The following PLA2G4C variants were observed in gnomAD, a reference collection of about 807,000 sequenced individuals.
PLA2G4C encodes cytosolic phospholipase A2 gamma.
A neutral mutation model predicts 73.8 loss-of-function variants in PLA2G4C; 64 were observed. The ratio of observed to expected loss-of-function variants is 0.87; its 90% CI spans 0.71 to 1.07. PLA2G4C has a LOEUF of 1.07. Among genes scored for constraint, PLA2G4C ranks in the 50% least tolerant of loss-of-function variants. The pLI is 0.00. For missense variants in PLA2G4C, 622 were observed against 665.4 expected (o/e 0.93, Z 0.72); for synonymous variants, 254 against 252.1 (o/e 1.01, Z -0.07).
intron 13 of PLA2G4C, among the ~76,000 whole-genome samples, chr19:48,063,208 T>C (rs1968261613): frequency 6.6e-6 from 1 of 152,110 alleles, no homozygotes; most frequent in African/African-American, 2.4e-5. Context: ...CATGCTGAGC[T>C]AATTTTTGTA....
intron 9 of PLA2G4C, 62 bp downstream of exon 9, chr19:48,088,624 G>C (rs944592695): frequency 2.2e-5 from 25 of 1,145,542 alleles, no homozygotes; most frequent in Non-Finnish European, 3.3e-5. Flanking sequence ...ACAATGGCTG[G>C]CCTCAAGCAA....
intron 11 of PLA2G4C, among the ~76,000 whole-genome samples, chr19:48,075,970 C>T (rs6650757): frequency 0.02 from 3,111 of 152,292 alleles, 103 homozygotes; most frequent in African/African-American, 0.07. Context: ...CATTAAAGCC[C>T]GCCATGTGGC....
chr19:48,057,349 T>C (rs922643684), intron 14 of PLA2G4C, among the ~76,000 whole-genome samples: 4 of 151,984 alleles, frequency 2.6e-5, no homozygotes, highest in Non-Finnish European at 5.9e-5. Flanking sequence ...CCTTTTAACA[T>C]GTGGTTATTT....
intron 4 of PLA2G4C, among the ~76,000 whole-genome samples, chr19:48,100,897 G>C (rs904866865): frequency 1.4e-5 from 2 of 141,698 alleles, no homozygotes; most frequent in African/African-American, 5.5e-5. Context: ...CTGGGCAACA[G>C]AGCAAGACTC....
chr19:48,109,210 A>T (rs1004575087), intron 1 of PLA2G4C, among the ~76,000 whole-genome samples: 1 of 140,136 alleles, frequency 7.1e-6, no homozygotes, highest in Non-Finnish European at 1.5e-5. Context: ...CTCCAAATTC[A>T]TATGTTGGAC....
intron 15 of PLA2G4C, among the ~76,000 whole-genome samples, chr19:48,054,562 G>A (rs1484185189): frequency 8.6e-5 from 13 of 151,214 alleles, no homozygotes; most frequent in Admixed American, 6.6e-4. Context: ...TGATCCGCCC[G>A]CCTCAGCCTC....
intron 11 of PLA2G4C, among the ~76,000 whole-genome samples, chr19:48,075,602 G>T (rs2030098646): frequency 6.6e-6 from 1 of 152,020 alleles, no homozygotes; most frequent in Non-Finnish European, 1.5e-5. Context: ...CACCTGCCAG[G>T]CTCATCTTGG....
rs1600225859 is a variant in PLA2G4C, at chr19:48,088,593, C to T, written c.790+93G>A. 9.4e-6 allele frequency: 8 copies of T among 847,320 alleles called. No homozygotes were observed. In the East Asian group the frequency reaches 1.2e-4, roughly 13 times the overall value. 52.5% of individuals were successfully genotyped at this position (847,320 alleles called of 1,614,324 possible). ...GAATTCAAATGGGCACCAAATGAAT[C>T]ATACATGTAATGTTCCTAGGACAAT... is the stretch of plus-strand genomic sequence containing the variant. On this transcript the variant is annotated intron_variant, in intron 9 of 16. Transcript: ENST00000599921.
chr19:48,101,867 G>A (rs887580672), intron 4 of PLA2G4C, among the ~76,000 whole-genome samples: 4 of 151,404 alleles, frequency 2.6e-5, no homozygotes, highest in African/African-American at 7.3e-5. Flanking sequence ...TAGAGACAGG[G>A]TTTCACCGTG....
Position 48,067,892 on chromosome 19 carries a change from GA to G in PLA2G4C, c.1007-7del. 1 of 1,604,538 alleles carries G rather than the reference GA, an allele frequency of 6.2e-7. No homozygotes were observed. The highest frequency in any genetic ancestry group is 8.5e-7 in the Non-Finnish European group (1 of 1,171,242). On this transcript the variant is annotated splice_region_variant and splice_polypyrimidine_tract_variant and intron_variant, in intron 12 of 16. Coordinates refer to ENST00000599921, the MANE Select transcript of PLA2G4C (RefSeq NM_003706.3). The stretch of plus-strand genomic sequence containing the variant: ...CATCAAGTTACTGAGTGAGCCTAGG[GA>G]AAGAAGCCGAGACAGCCAAGGTGAG...
chr19:48,103,283 C>T (rs944363017), intron 4 of PLA2G4C: 2 of 152,216 alleles, frequency 1.3e-5, no homozygotes. Context: ...CAGCTAAACC[C>T]CCACGCCATG....
chr19:48,071,027 G>T (rs1049495226), intron 12 of PLA2G4C, among the ~76,000 whole-genome samples: 1 of 152,136 alleles, frequency 6.6e-6, no homozygotes, highest in Non-Finnish European at 1.5e-5. Context: ...TAGATAGATA[G>T]AGATAGATAG....
chr19:48,055,133 G>A, intron 14 of PLA2G4C, 84 bp from the exon 15 acceptor site: 4 of 1,150,324 alleles, frequency 3.5e-6, no homozygotes, highest in East Asian at 2.4e-5. Context: ...AGACCCAATG[G>A]GACCTCAGCT....
chr19:48,110,226 A>G (rs1027413207), intron 1 of PLA2G4C, among the ~76,000 whole-genome samples: 2 of 151,534 alleles, frequency 1.3e-5, no homozygotes, highest in Non-Finnish European at 2.9e-5. Flanking sequence ...TGCGCCTGTA[A>G]TCCCAGCTAC....
chr19:48,048,934 A>T (rs1967621070), intron 16 of PLA2G4C, among the ~76,000 whole-genome samples: 1 of 152,150 alleles, frequency 6.6e-6, no homozygotes, highest in Admixed American at 6.6e-5. Flanking sequence ...CCCTGCGGTA[A>T]TGAGTGAGTT....
intron 7 of PLA2G4C, chr19:48,090,644 C>A: frequency 1.9e-6 from 1 of 529,774 alleles, no homozygotes; most frequent in Non-Finnish European, 3.4e-6. Context: ...CTTGTCCTCA[C>A]GAACCTTCTA....
At chr19:48,052,527 C>T (rs1967765221) in intron 16 of PLA2G4C, among the ~76,000 whole-genome samples, 1 of 152,116 alleles carries the variant, frequency 6.6e-6, no homozygotes, top group Non-Finnish European at 1.5e-5. Flanking sequence ...ACCCATGCTT[C>T]CTGTTAAGCC....
At chr19:48,075,673 G>A (rs958914668) in intron 11 of PLA2G4C, among the ~76,000 whole-genome samples, 1 of 152,104 alleles carries the variant, frequency 6.6e-6, no homozygotes, top group African/African-American at 2.4e-5. Flanking sequence ...GCTCTCTGAG[G>A]CTTCTTTTAT....
intron 4 of PLA2G4C, among the ~76,000 whole-genome samples, chr19:48,101,104 CTA>C (rs869065676): frequency 0.14 from 14,452 of 103,094 alleles, 1,244 homozygotes; most frequent in East Asian, 0.26. Flanking sequence ...CACATAGAGT[CTA>C]TATATATATA....
Sources: allele counts gnomAD v4.1 joint callset (sites outside exome capture counted in the v4.1 genomes callset), GRCh38; gene constraint gnomAD v4.1.1; transcripts MANE v1.5; gene names NCBI Gene and HGNC (gene_info 2026-07-23, HGNC 2026-07-21).